OTOP1: variants seen among roughly 807,000 people sequenced by gnomAD.
OTOP1 encodes the protein proton channel OTOP1.
In OTOP1, 59 loss-of-function variants were observed where a neutral mutation model predicts 52.9. The observed-to-expected ratio is 1.12, with a 90% CI of 0.91 to 1.39. OTOP1 has a LOEUF of 1.39. Ranked by LOEUF, OTOP1 falls within the 40% of genes most tolerant of loss-of-function variation. The probability of loss-of-function intolerance (pLI) is 0.00; values close to 1 mark genes in which losing one functional copy is unlikely to be tolerated. For synonymous variants in OTOP1, 317 were observed against 337.7 expected, an observed-to-expected ratio of 0.94 and a Z score of 0.67; for missense variants, 761 against 800.9, an observed-to-expected ratio of 0.95 and a Z score of 0.60.
intron 2 of OTOP1, among the ~76,000 whole-genome samples, 199 bp downstream of exon 2, chr4:4,212,669 T>C (rs551769444): frequency 6.6e-6 from 1 of 152,308 alleles, no homozygotes; most frequent in East Asian, 1.9e-4. Context: ...CCTGCAAAAA[T>C]GGCCATGGGG....
At chr4:4,224,931 G>A (rs1251905387) in intron 1 of OTOP1, among the ~76,000 whole-genome samples, 3 of 152,214 alleles carry the variant, frequency 2.0e-5, no homozygotes, top group African/African-American at 7.2e-5. Context: ...ATGTGGAAAG[G>A]AGGCCTAGTG....
intron 3 of OTOP1, among the ~76,000 whole-genome samples, chr4:4,205,738 C>G (rs1385743275): frequency 1.3e-5 from 2 of 152,228 alleles, no homozygotes; most frequent in African/African-American, 4.8e-5. Context: ...AGCACCTCAA[C>G]TGAGAACTTA....
chr4:4,212,917 G>T lies in OTOP1; in HGVS notation c.491C>A (p.Ala164Asp). ...YFIGFSECLS[A>D]TEGVFPVTHS... ...GGTGACTGGGAAAACTCCTTCAGTG[G>T]CTGATAAACATTCTGAAAATCCAAT... is the stretch of plus-strand genomic sequence containing the variant. The change falls in exon 2 of 6, where the codon GCC (alanine) becomes GAC (aspartate). Residue 164 changes from alanine (A) to aspartate (D), a missense_variant. Ala to Asp is a moderately radical substitution (Grantham distance 126, BLOSUM62 -2). Transcript: ENST00000296358. 1 of 1,614,076 alleles carries T rather than the reference G, an allele frequency of 6.2e-7. No homozygotes were observed. The highest frequency in any genetic ancestry group is 8.5e-7 in the Non-Finnish European group (1 of 1,179,964).
Position 4,202,634 on chromosome 4 carries a change from T to C in OTOP1, c.600-56A>G, listed in dbSNP as rs965856745. The stretch of plus-strand genomic sequence containing the variant: ...AGCCCTGGGAGAGCCTCAGGCACCA[T>C]GGGGTGAGACAGACGTGTGCACACA... On this transcript the variant is annotated intron_variant, in intron 3 of 5. Coordinates refer to ENST00000296358, the MANE Select transcript of OTOP1 (RefSeq NM_177998.3). The C allele has an allele frequency of 4.3e-5, 69 of 1,601,862 alleles. No individual in the cohort carries two copies. In the African/African-American group the frequency reaches 7.2e-4, roughly 17 times the overall value.
chr4:4,188,897 G>C lies in OTOP1; in HGVS notation c.1745C>G (p.Pro582Arg), dbSNP rs1220416067. The C allele has an allele frequency of 6.2e-7, 1 of 1,613,820 alleles. No homozygotes were observed. ...GGCCAGGTTGACCACAATTATCCAGGGTTCAAAGCCAAAGACAATCTCCTC... is the reference window on the plus strand; with the variant it reads ...GGCCAGGTTGACCACAATTATCCAGCGTTCAAAGCCAAAGACAATCTCCTC... ...GLEEIVFGFE[P>R]WIIVVNLAMP... is the part of the protein sequence containing the mutation. The change falls in exon 6 of 6, where the codon CCC becomes CGC. Residue 582 changes from proline to arginine, a missense_variant. Pro to Arg is a moderately radical substitution (Grantham distance 103). Coordinates refer to ENST00000296358, the MANE Select transcript of OTOP1 (RefSeq NM_177998.3).
chr4:4,226,302 A>AAAG (rs36055674), intron 1 of OTOP1, among the ~76,000 whole-genome samples, 160 bp downstream of exon 1: 102,285 of 151,530 alleles, frequency 0.68, 35,961 homozygotes, highest in African/African-American at 0.89. Context: ...GAGAGAGAGG[A>AAAG]AAGGAAGGGC....
chr4:4,219,696 C>CAAAA (rs71169623), intron 1 of OTOP1, among the ~76,000 whole-genome samples: 1 of 124,918 alleles, frequency 8.0e-6, no homozygotes, highest in Admixed American at 8.4e-5. Context: ...GACTCTGTCT[C>CAAAA]AAAAAAAAAA....
chr4:4,193,587 C>T lies in OTOP1; in HGVS notation c.1668+3579G>A, dbSNP rs568941773. Among the ~76,000 whole-genome samples, 53 of 152,254 alleles carry T rather than the reference C, an allele frequency of 3.5e-4. No individual in the cohort carries two copies. The East Asian group carries it at 6.4e-3, about 18-fold the overall frequency. ...CAAAGTGCCACCCCATGAGCCAGCA[C>T]GGGTATCCTAAGACTCCACCCTGCA... On this transcript the variant is annotated intron_variant, in intron 5 of 5. Transcript: ENST00000296358.
intron 5 of OTOP1, among the ~76,000 whole-genome samples, chr4:4,195,725 A>G (rs756420569): frequency 6.6e-6 from 1 of 152,198 alleles, no homozygotes; most frequent in African/African-American, 2.4e-5. Context: ...ATTGCCTATC[A>G]CTTGCAACCA....
chr4:4,188,994 G>C (rs1716430370), intron 5 of OTOP1, 21 bp from the exon 6 acceptor site: 2 of 1,607,630 alleles, frequency 1.2e-6, no homozygotes, highest in African/African-American at 2.7e-5. Flanking sequence ...AGAGAAAATG[G>C]CATGTGGTGG....
chr4:4,201,469 T>TACAC (rs564159690), intron 4 of OTOP1, among the ~76,000 whole-genome samples: 3,576 of 137,652 alleles, frequency 0.026, 71 homozygotes, highest in African/African-American at 0.048. Context: ...AATATATATA[T>TACAC]ATACACACAC....
intron 5 of OTOP1, among the ~76,000 whole-genome samples, chr4:4,195,951 C>A (rs768399466): frequency 6.6e-6 from 1 of 152,160 alleles, no homozygotes; most frequent in African/African-American, 2.4e-5. Flanking sequence ...AGTACCCTGC[C>A]CAGCCCCTAG....
At chr4:4,213,632 G>A (rs1217280958) in intron 1 of OTOP1, among the ~76,000 whole-genome samples, 1 of 152,066 alleles carries the variant, frequency 6.6e-6, no homozygotes, top group Non-Finnish European at 1.5e-5. Context: ...ATACTGTATC[G>A]TGTGTCAGAA....
rs773676745 is a variant in OTOP1, at chr4:4,201,465, T to TACAC, written c.730+982_730+983insGTGT. ...AAAATAGAATAAATAAATAAATATATATATATACACACACACACACACACA... is the reference window on the plus strand; with the variant it reads ...AAAATAGAATAAATAAATAAATATATACACATATATACACACACACACACACACA... On this transcript the variant is annotated intron_variant, in intron 4 of 5. Coordinates refer to ENST00000296358, the MANE Select transcript of OTOP1 (RefSeq NM_177998.3). 4.3e-4 allele frequency among the ~76,000 whole-genome samples: 37 copies of TACAC among 86,190 alleles called. 1 individual carries two copies. The highest frequency in any genetic ancestry group is 1.7e-3 in the Admixed American group (18 of 10,500). The allele number at this position is 86,190 out of a possible 152,430, so 56.5% of individuals were successfully genotyped here.
intron 3 of OTOP1, among the ~76,000 whole-genome samples, chr4:4,204,962 CG>C (rs1375279425): frequency 3.3e-5 from 5 of 151,992 alleles, no homozygotes; most frequent in African/African-American, 9.7e-5. Flanking sequence ...TTAGTAGAGA[CG>C]GGGTTTCACC....
Position 4,197,748 on chromosome 4 carries a change from C to A in OTOP1, c.1086G>T (p.Gly362=), listed in dbSNP as rs1405393364. The change falls in exon 5 of 6, where the codon GGG becomes GGT. Residue 362 remains glycine (G), a synonymous_variant. Transcript: ENST00000296358. ...LYAITLLMLM[G]AAGLAGIRIY... ...TCCGGATTCCAGCCAGCCCCGCAGC[C>A]CCCATAAGCATCAGCAGGGTGATGG... 6.2e-7 allele frequency: 1 copy of A among 1,613,886 alleles called. No individual in the cohort carries two copies. The highest frequency in any genetic ancestry group is 1.7e-5 in the Admixed American group (1 of 59,978).
At chr4:4,189,530 T>C (rs1429845943) in intron 5 of OTOP1, among the ~76,000 whole-genome samples, 2 of 152,172 alleles carry the variant, frequency 1.3e-5, no homozygotes, top group Non-Finnish European at 2.9e-5. Flanking sequence ...GCCTCTAGGA[T>C]GACCCTCACT....
chr4:4,198,223 CT>C, intron 4 of OTOP1, 120 bp from the exon 5 acceptor site: 1 of 765,758 alleles, frequency 1.3e-6, no homozygotes. Context: ...GGATTATGAG[CT>C]TTATCATGTC....
chr4:4,206,460 A>G (rs1489345915), intron 2 of OTOP1, among the ~76,000 whole-genome samples: 2 of 152,244 alleles, frequency 1.3e-5, no homozygotes, highest in African/African-American at 4.8e-5. Context: ...CATTAATCCT[A>G]TAACTGGTTT....
Sources: allele counts gnomAD v4.1 joint callset (sites outside exome capture counted in the v4.1 genomes callset), GRCh38; gene constraint gnomAD v4.1.1; transcripts MANE v1.5; gene names NCBI Gene and HGNC (gene_info 2026-07-23, HGNC 2026-07-21).